Variants in NAE1 observed in about 807,000 individuals in gnomAD.
NAE1 encodes NEDD8-activating enzyme E1 regulatory subunit.
In NAE1, 59 loss-of-function variants were observed where a neutral mutation model predicts 88.0. The ratio of observed to expected loss-of-function variants is 0.67; its 90% CI spans 0.54 to 0.83. The LOEUF (loss-of-function observed/expected upper bound fraction) is 0.83. Ranked by LOEUF, NAE1 falls within the 40% of genes least tolerant of loss-of-function variation. The pLI is 0.00. For missense variants in NAE1, 554 were observed against 632.8 expected (o/e 0.88, Z 1.34); for synonymous variants, 186 against 208.9 (o/e 0.89, Z 0.95).
chr16:66,804,521 C>A (rs1959484597), intron 19 of NAE1, among the ~76,000 whole-genome samples: 1 of 152,192 alleles, frequency 6.6e-6, no homozygotes, highest in Non-Finnish European at 1.5e-5. Context: ...ACATTTTGAA[C>A]ACTTCAAATA....
intron 1 of NAE1, among the ~76,000 whole-genome samples, chr16:66,830,621 C>T (rs1449320141): frequency 1.3e-5 from 2 of 152,210 alleles, no homozygotes; most frequent in Non-Finnish European, 2.9e-5. Flanking sequence ...GGGACCCCGT[C>T]CCCCGAACTG....
At position 66,813,653 on chromosome 16, in the gene NAE1, C is replaced by T; in HGVS notation, c.945G>A (p.Val315=). 6.2e-7 allele frequency: 1 copy of T among 1,613,936 alleles called. No homozygotes were observed. Among genetic ancestry groups the T allele is most frequent in the East Asian group, 2.2e-5 (1 of 44,854 alleles). The part of the protein sequence containing the change: ...WILARALKEF[V]AKEGQGNLPV... ...GTAAATTTCCTTGACCCTCTTTGGC[C>T]ACAAATTCCTTTAAGGCACGAGCTA... Residue 315 remains valine (V), a synonymous_variant, in exon 13 of 20, where the codon GTG becomes GTA. Transcript: ENST00000290810.
chr16:66,828,789 C>T (rs562437168), intron 1 of NAE1, among the ~76,000 whole-genome samples: 3 of 152,036 alleles, frequency 2.0e-5, no homozygotes, highest in Non-Finnish European at 2.9e-5. Context: ...TGCAGAGGTA[C>T]GAGACCAGCC....
intron 13 of NAE1, among the ~76,000 whole-genome samples, chr16:66,812,699 TTAG>T (rs946281454): frequency 6.6e-6 from 1 of 151,250 alleles, no homozygotes; most frequent in Non-Finnish European, 1.5e-5. Flanking sequence ...TTGTATTTTT[TTAG>T]TAGAGACAGG....
At chr16:66,821,697 A>C in intron 6 of NAE1, 138 bp from the exon 7 acceptor site, 1 of 652,068 alleles carries the variant, frequency 1.5e-6, no homozygotes, top group Non-Finnish European at 2.4e-6. Flanking sequence ...CTGCATTTAC[A>C]TAAGCAGGTC....
chr16:66,830,821 C>A (rs571966581), intron 1 of NAE1, 26 bp downstream of exon 1: 22 of 1,508,616 alleles, frequency 1.5e-5, no homozygotes, highest in Non-Finnish European at 1.9e-5. Context: ...GCCGGCCCGC[C>A]CTCGGCTCGG....
At chr16:66,808,106 G>A (rs2145313414) in intron 17 of NAE1, among the ~76,000 whole-genome samples, 1 of 152,130 alleles carries the variant, frequency 6.6e-6, no homozygotes, top group Admixed American at 6.5e-5. Flanking sequence ...TGCCCACGCT[G>A]GTCTCCAACT....
chr16:66,817,500 G>A lies in NAE1; in HGVS notation c.622-13C>T, dbSNP rs756277340. The A allele has an allele frequency of 2.0e-6, 3 of 1,522,122 alleles. No individual in the cohort carries two copies. The highest frequency in any genetic ancestry group is 2.7e-6 in the Non-Finnish European group (3 of 1,130,460). The allele number at this position is 1,522,122 out of a possible 1,614,324, so 94.3% of individuals were successfully genotyped here. A position where few individuals can be genotyped will look rare whatever the true frequency, so the allele number is the denominator to read the frequency against. On this transcript the variant is annotated splice_polypyrimidine_tract_variant and intron_variant, in intron 8 of 19. Transcript: ENST00000290810. ...TATGACTGTGGTCCTAAAAATGAGA[G>A]ACAAATAAAAGAAAATATCAGTATT... is the stretch of plus-strand genomic sequence containing the variant.
At chr16:66,827,965 C>T (rs780420370) in intron 1 of NAE1, 13 of 1,605,036 alleles carry the variant, frequency 8.1e-6, no homozygotes, top group Non-Finnish European at 1.1e-5. Flanking sequence ...GGACTACAGG[C>T]ACAAGCCACT....
In NAE1 at chr16:66,813,695, A is replaced by G. The variant is rs781298783; in HGVS notation, c.903T>C (p.Thr301=). Reference sequence around the variant, plus strand: ...CACGAGCTAAAATCCAAAATGATGGAGTCTAAAAGAATAAGAAAAAATTAA... The same window carrying G: ...CACGAGCTAAAATCCAAAATGATGGGGTCTAAAAGAATAAGAAAAAATTAA... ...DDRCINITKQ[T]PSFWILARAL... The change falls in exon 13 of 20, where the codon ACT becomes ACC. Residue 301 remains threonine (T), a splice_region_variant and synonymous_variant. Transcript: ENST00000290810. 6.2e-7 allele frequency: 1 copy of G among 1,611,254 alleles called. No homozygotes were observed. The highest frequency in any genetic ancestry group is 8.5e-7 in the Non-Finnish European group (1 of 1,178,728).
chr16:66,829,857 G>C (rs930942979), intron 1 of NAE1, among the ~76,000 whole-genome samples: 2 of 152,192 alleles, frequency 1.3e-5, no homozygotes, highest in Non-Finnish European at 2.9e-5. Flanking sequence ...AGATGTGCTG[G>C]TAAGTGTAAA....
intron 11 of NAE1, 52 bp from the exon 12 acceptor site, chr16:66,813,898 T>C: frequency 2.0e-6 from 3 of 1,513,910 alleles, no homozygotes; most frequent in Non-Finnish European, 2.7e-6. Context: ...AATTCGCCCA[T>C]CTTTATTTTC....
chr16:66,821,408 C>T, intron 7 of NAE1, 42 bp downstream of exon 7: 1 of 1,469,844 alleles, frequency 6.8e-7, no homozygotes, highest in South Asian at 1.4e-5. Flanking sequence ...AAAATTATAG[C>T]TAAAGCAACC....
In NAE1 at chr16:66,826,640, G is replaced by GTT. The variant is rs1312151865; in HGVS notation, c.157+36_157+37insAA. 4 of 1,613,376 alleles carry GTT rather than the reference G, an allele frequency of 2.5e-6. No individual in the cohort carries two copies. The South Asian group carries it at 4.4e-5, about 18-fold the overall frequency. ...CATAGTTCTAGGTCATAAACTTAAA[G>GTT]AAGTATATTTAGAACACAACCACAA... On this transcript the variant is annotated intron_variant, in intron 2 of 19. Transcript: ENST00000290810.
rs766808551 is a variant in NAE1, at chr16:66,810,768, G to A, written c.1039C>T (p.Arg347Cys). The A allele has an allele frequency of 7.9e-5, 128 of 1,613,056 alleles. No homozygotes were observed. Among genetic ancestry groups the A allele is most frequent in the Middle Eastern group, 3.3e-4 (2 of 6,082 alleles). The stretch of plus-strand genomic sequence containing the variant: ...GCAGCATCTTTCTTTGCTTTTTCAC[G>A]GTAACTAAAAAAGAATAAAAAGCAA... ...GKYIKLQNVY[R>C]EKAKKDAAAV... Residue 347 changes from arginine to cysteine, a missense_variant, in exon 14 of 20, where the codon CGT (arginine) becomes TGT (cysteine). By Grantham distance (180) the Arg-to-Cys change is radical. Coordinates refer to ENST00000290810, the MANE Select transcript of NAE1 (RefSeq NM_003905.4).
chr16:66,814,328 A>ATT (rs1959945608), intron 11 of NAE1, among the ~76,000 whole-genome samples: 2 of 152,302 alleles, frequency 1.3e-5, no homozygotes, highest in Admixed American at 1.3e-4. Flanking sequence ...ACAATGGCTC[A>ATT]TATCTATAAT....
chr16:66,811,910 G>GATC (rs1959817902), intron 13 of NAE1, among the ~76,000 whole-genome samples: 1 of 152,164 alleles, frequency 6.6e-6, no homozygotes, highest in Non-Finnish European at 1.5e-5. Flanking sequence ...GGGGAAGAGA[G>GATC]ATCATCTCTG....
intron 1 of NAE1, among the ~76,000 whole-genome samples, chr16:66,829,075 T>C (rs1339213742): frequency 2.6e-5 from 4 of 152,190 alleles, no homozygotes; most frequent in Non-Finnish European, 2.9e-5. Context: ...CTCTACTATC[T>C]TGCTGGCCCA....
At chr16:66,814,017 G>T (rs1295726572) in intron 11 of NAE1, among the ~76,000 whole-genome samples, 171 bp from the exon 12 acceptor site, 2 of 152,034 alleles carry the variant, frequency 1.3e-5, no homozygotes, top group Non-Finnish European at 2.9e-5. Flanking sequence ...AAGATTTGAT[G>T]GGGAAAGAAT....
Sources: gnomAD v4.1 joint callset for allele counts (sites outside exome capture counted in the v4.1 genomes callset) on GRCh38, gnomAD v4.1.1 for gene constraint, MANE v1.5 for transcripts, NCBI Gene and HGNC (gene_info 2026-07-23, HGNC 2026-07-21) for gene names.